Variants in CLEC12A observed in about 807,000 individuals in gnomAD.
CLEC12A encodes C-type lectin protein CLL-1.
In CLEC12A, 22 loss-of-function variants were observed where a neutral mutation model predicts 26.5. That is an observed-to-expected ratio of 0.83 (90% CI 0.59 to 1.19). CLEC12A has a LOEUF of 1.19. Among genes scored for constraint, CLEC12A ranks in the 50% most tolerant of loss-of-function variants. CLEC12A has a pLI of 0.00. For missense variants in CLEC12A, 353 were observed against 315.6 expected (o/e 1.12, Z -0.90); for synonymous variants, 119 against 101.9 (o/e 1.17, Z -1.01).
chr12:10,003,419 T>G, the CLEC12A span, among the ~76,000 whole-genome samples: 1 of 152,082 alleles, frequency 6.6e-6, no homozygotes, highest in East Asian at 1.9e-4. Context: ...TACCGCAAAG[T>G]TGATCAGGCA....
intron 1 of CLEC12A, among the ~76,000 whole-genome samples, chr12:9,965,872 G>A (rs1488365105): frequency 6.6e-6 from 1 of 152,128 alleles, no homozygotes; most frequent in Non-Finnish European, 1.5e-5. Context: ...AGGGGTGCAG[G>A]ATCAGTCGCT....
chr12:9,982,810 G>A (rs933265907), intron 5 of CLEC12A, among the ~76,000 whole-genome samples: 1 of 151,936 alleles, frequency 6.6e-6, no homozygotes, highest in East Asian at 1.9e-4. Context: ...ACTTTTTGGA[G>A]TCTCCAATGT....
intron 5 of CLEC12A, among the ~76,000 whole-genome samples, chr12:9,982,543 A>G (rs1032497895): frequency 2.6e-5 from 4 of 152,156 alleles, no homozygotes; most frequent in African/African-American, 9.6e-5. Flanking sequence ...GATAAAGAGA[A>G]TATAGTGTGA....
At chr12:10,001,645 G>A in the CLEC12A span, among the ~76,000 whole-genome samples, 1 of 152,192 alleles carries the variant, frequency 6.6e-6, no homozygotes, top group Non-Finnish European at 1.5e-5. Flanking sequence ...TTCTATAAAT[G>A]TAAGTTGAGT....
At chr12:9,967,945 G>A (rs186778565), upstream of CLEC12A, among the ~76,000 whole-genome samples, 243 of 152,240 alleles carry the variant, frequency 1.6e-3, 1 homozygote, top group East Asian at 7.9e-3. Context: ...TCCCAATTCC[G>A]TGACTGGTGC....
chr12:9,983,631 G>A (rs1017638642), intron 5 of CLEC12A: 1 of 619,838 alleles, frequency 1.6e-6, no homozygotes, highest in South Asian at 1.9e-5. Context: ...GCAGGAGACA[G>A]CTCTGAGTCA....
chr12:9,962,646 G>A (rs1264870037), intron 1 of CLEC12A, among the ~76,000 whole-genome samples: 1 of 152,094 alleles, frequency 6.6e-6, no homozygotes, highest in Non-Finnish European at 1.5e-5. Flanking sequence ...GGGCCACAAG[G>A]TGCTCAGTGG....
chr12:9,955,303 G>T (rs1366195937), intron 1 of CLEC12A, among the ~76,000 whole-genome samples: 1 of 152,068 alleles, frequency 6.6e-6, no homozygotes, highest in Admixed American at 6.6e-5. Context: ...TAGCCAGGAT[G>T]GTCTTGATCT....
downstream of CLEC12A, among the ~76,000 whole-genome samples, chr12:9,989,139 C>T (rs1864835584): frequency 6.8e-6 from 1 of 147,920 alleles, no homozygotes; most frequent in Non-Finnish European, 1.5e-5. Flanking sequence ...CGCATGTTCT[C>T]ACTCATAGGT....
intron 1 of CLEC12A, among the ~76,000 whole-genome samples, chr12:9,977,057 CA>C (rs1259774639): frequency 2.6e-5 from 4 of 152,114 alleles, no homozygotes; most frequent in South Asian, 2.1e-4. Flanking sequence ...GTCTTATTAG[CA>C]ATGTGAAAAT....
chr12:9,961,080 A>G (rs1479600437), intron 1 of CLEC12A, among the ~76,000 whole-genome samples: 2 of 152,198 alleles, frequency 1.3e-5, no homozygotes, highest in Non-Finnish European at 2.9e-5. Context: ...TCAATCAACT[A>G]TAAACATTTA....
chr12:9,982,226 G>A, intron 5 of CLEC12A, 97 bp downstream of exon 5: 1 of 663,582 alleles, frequency 1.5e-6, no homozygotes, highest in Non-Finnish European at 2.7e-6. Flanking sequence ...AGCTTCAATT[G>A]AAATTGCATG....
At chr12:9,997,062 A>G (rs187745125), downstream of CLEC12A, 219 of 1,609,752 alleles carry the variant, frequency 1.4e-4, no homozygotes, top group African/African-American at 2.8e-3. Context: ...TTTTCTTCAC[A>G]TTCAATGTTT....
chr12:9,964,422 T>C (rs1394614654), intron 1 of CLEC12A, among the ~76,000 whole-genome samples: 1 of 152,074 alleles, frequency 6.6e-6, no homozygotes, highest in Admixed American at 6.5e-5. Context: ...GTAATGTTTA[T>C]AGTGTGGTGG....
intron 1 of CLEC12A, among the ~76,000 whole-genome samples, chr12:9,978,516 A>T (rs560814632): frequency 6.6e-6 from 1 of 152,210 alleles, no homozygotes; most frequent in Non-Finnish European, 1.5e-5. Context: ...GCCTGGGGGG[A>T]TACATAAACA....
downstream of CLEC12A, chr12:9,999,059 A>G (rs1865122363): frequency 8.7e-6 from 14 of 1,607,000 alleles, no homozygotes; most frequent in Non-Finnish European, 1.0e-5. Flanking sequence ...CTGGTTTCCG[A>G]GTTTTAATAT....
chr12:9,997,364 T>A, downstream of CLEC12A: 1 of 1,280,042 alleles, frequency 7.8e-7, no homozygotes, highest in Non-Finnish European at 1.1e-6. Flanking sequence ...TTCATTTCCT[T>A]AACTTTGCCA....
intron 1 of CLEC12A, among the ~76,000 whole-genome samples, chr12:9,954,486 T>G (rs560927941): frequency 1.9e-4 from 29 of 149,398 alleles, no homozygotes; most frequent in African/African-American, 6.4e-4. Flanking sequence ...ACGGAGATCC[T>G]GTCTCAAAAA....
chr12:9,985,550 A>C lies in CLEC12A; in HGVS notation c.*524A>C, dbSNP rs990393895. On this transcript the variant is annotated 3_prime_UTR_variant, in exon 6 of 6. Coordinates refer to ENST00000304361, the MANE Select transcript of CLEC12A (RefSeq NM_138337.6). ...TGGACATGCATTTATTACCTCTTAA[A>C]ATTATTATTTTAAGTAAAAGCCAAT... The C allele has an allele frequency of 1.0e-5, 4 of 398,428 alleles. No individual in the cohort carries two copies. Among genetic ancestry groups the C allele is most frequent in the Non-Finnish European group, 1.8e-5 (4 of 226,052 alleles). 24.7% of individuals were successfully genotyped at this position (398,428 alleles called of 1,614,324 possible).
Sources: allele counts gnomAD v4.1 joint callset (sites outside exome capture counted in the v4.1 genomes callset), GRCh38; gene constraint gnomAD v4.1.1; transcripts MANE v1.5; gene names NCBI Gene and HGNC (gene_info 2026-07-23, HGNC 2026-07-21).